The following GPC5 variants were observed in gnomAD, a reference collection of about 807,000 sequenced individuals.
GPC5 encodes the protein glypican 5.
Under a neutral mutation model 53.9 loss-of-function variants are expected in GPC5, and 47 were observed. That is an observed-to-expected ratio of 0.87 (90% CI 0.69 to 1.11). GPC5 has a LOEUF of 1.11. GPC5 is among the 50% of genes most tolerant of loss of function. The pLI is 0.00. For synonymous variants in GPC5, 286 were observed against 263.3 expected (o/e 1.09, Z -0.84); for missense variants, 748 against 713.1 (o/e 1.05, Z -0.56).
At chr13:92,082,643 G>A (rs865838782) in intron 6 of GPC5, among the ~76,000 whole-genome samples, 1 of 151,996 alleles carries the variant, frequency 6.6e-6, no homozygotes, top group Admixed American at 6.6e-5. Context: ...AAAGGAAAAG[G>A]GTATTATCTG....
At chr13:92,691,444 C>A (rs200740758) in intron 7 of GPC5, among the ~76,000 whole-genome samples, 2 of 146,876 alleles carry the variant, frequency 1.4e-5, no homozygotes, top group Admixed American at 1.4e-4. Context: ...TGCGCACACA[C>A]ACTGGCCTGC....
At chr13:91,980,597 TCGA>T (rs539788891) in intron 6 of GPC5, among the ~76,000 whole-genome samples, 3,601 of 152,276 alleles carry the variant, frequency 0.024, 138 homozygotes, top group African/African-American at 0.082. Flanking sequence ...TACCTATCCC[TCGA>T]TGTCCGATGT....
intron 2 of GPC5, among the ~76,000 whole-genome samples, chr13:91,505,287 T>C (rs1476805930): frequency 2.0e-5 from 3 of 152,124 alleles, no homozygotes; most frequent in Non-Finnish European, 4.4e-5. Context: ...AATAGCGAGA[T>C]ATATCAAGAG....
At chr13:91,482,631 A>G (rs1475305962) in intron 2 of GPC5, among the ~76,000 whole-genome samples, 2 of 152,168 alleles carry the variant, frequency 1.3e-5, no homozygotes, top group Non-Finnish European at 2.9e-5. Flanking sequence ...AAGCAGGAGA[A>G]CCAGTGCCTT....
chr13:92,818,494 G>A (rs772128339), intron 7 of GPC5, among the ~76,000 whole-genome samples: 2 of 151,778 alleles, frequency 1.3e-5, no homozygotes, highest in East Asian at 1.9e-4. Context: ...CCTTATTACC[G>A]AGGAAAGCTG....
At chr13:92,683,467 G>C (rs1307331665) in intron 7 of GPC5, among the ~76,000 whole-genome samples, 1 of 152,164 alleles carries the variant, frequency 6.6e-6, no homozygotes, top group Non-Finnish European at 1.5e-5. Context: ...CTGCTAGAGT[G>C]AAACTCATTT....
At chr13:92,474,329 GTGTAACCTCTA>G (rs989675829) in intron 7 of GPC5, among the ~76,000 whole-genome samples, 2 of 151,960 alleles carry the variant, frequency 1.3e-5, no homozygotes, top group Admixed American at 6.6e-5. Flanking sequence ...AGACTGAGAT[GTGTAACCTCTA>G]TGTATATTTA....
intron 7 of GPC5, among the ~76,000 whole-genome samples, chr13:92,522,903 T>C (rs1881122386): frequency 6.6e-6 from 1 of 151,960 alleles, no homozygotes; most frequent in Non-Finnish European, 1.5e-5. Flanking sequence ...ACAGAGAAAA[T>C]ACGTTTTTCA....
intron 5 of GPC5, among the ~76,000 whole-genome samples, chr13:91,901,037 A>T (rs940632167): frequency 1.3e-5 from 2 of 152,026 alleles, no homozygotes; most frequent in African/African-American, 4.8e-5. Context: ...TATTTGTTGC[A>T]GTGGGATGGT....
At chr13:92,165,272 C>G (rs2042018897) in intron 7 of GPC5, among the ~76,000 whole-genome samples, 1 of 152,162 alleles carries the variant, frequency 6.6e-6, no homozygotes, top group South Asian at 2.1e-4. Flanking sequence ...CTCTACTTCC[C>G]TTTTAAAAAT....
intron 7 of GPC5, among the ~76,000 whole-genome samples, chr13:92,657,976 T>C (rs1886198261): frequency 6.6e-6 from 1 of 152,186 alleles, no homozygotes; most frequent in South Asian, 2.1e-4. Flanking sequence ...ATGTATTACT[T>C]TTCTTGTTTT....
chr13:92,052,865 G>A (rs1185531653), intron 6 of GPC5, among the ~76,000 whole-genome samples: 1 of 152,090 alleles, frequency 6.6e-6, no homozygotes. Flanking sequence ...TGAGTCAAGG[G>A]AACTGTAGGA....
At chr13:92,205,510 T>C (rs149382593) in intron 7 of GPC5, among the ~76,000 whole-genome samples, 1 of 152,212 alleles carries the variant, frequency 6.6e-6, no homozygotes, top group East Asian at 1.9e-4. Flanking sequence ...CTCCAAGGGT[T>C]TCATTAGAGG....
At position 91,778,510 on chromosome 13, in the gene GPC5, C is replaced by T. The variant is rs181123502; in HGVS notation, c.1280+22090C>T. On this transcript the variant is annotated intron_variant, in intron 5 of 7. Coordinates refer to ENST00000377067, the MANE Select transcript of GPC5 (RefSeq NM_004466.6). The stretch of plus-strand genomic sequence containing the variant: ...TGGGCTCCTCGCCACCCATTTAGTT[C>T]TCTGTTCCATCCTGGCATAACTTAT... Among the ~76,000 whole-genome samples, 6 of 152,256 alleles carry T rather than the reference C, an allele frequency of 3.9e-5. No individual in the cohort carries two copies. In the East Asian group the frequency reaches 1.2e-3, roughly 29 times the overall value.
chr13:91,650,452 T>G (rs2034671874), intron 2 of GPC5, among the ~76,000 whole-genome samples: 1 of 151,002 alleles, frequency 6.6e-6, no homozygotes, highest in Admixed American at 6.6e-5. Flanking sequence ...ATTTTATCTT[T>G]ACTGTATACC....
intron 7 of GPC5, among the ~76,000 whole-genome samples, chr13:92,388,812 AAGGAGATGTGCAGTCTTTCATATTAGCC>A (rs1232659682): frequency 6.6e-6 from 1 of 152,144 alleles, no homozygotes; most frequent in Non-Finnish European, 1.5e-5. Flanking sequence ...TGTAATTGGT[AAGGAGATGTGCAGTCTTTCATATTAGCC>A]AGGACAGGGA....
intron 5 of GPC5, among the ~76,000 whole-genome samples, chr13:91,781,308 A>T (rs1231634535): frequency 6.6e-6 from 1 of 152,230 alleles, no homozygotes; most frequent in African/African-American, 2.4e-5. Flanking sequence ...TAAAAAGTTA[A>T]CTCAACAAAA....
At chr13:92,480,727 G>T (rs1265041084) in intron 7 of GPC5, among the ~76,000 whole-genome samples, 3 of 146,316 alleles carry the variant, frequency 2.1e-5, no homozygotes, top group Non-Finnish European at 4.5e-5. Flanking sequence ...TCCCAGACCT[G>T]TGAATTTGTT....
chr13:92,150,093 A>G (rs1235757719), intron 7 of GPC5, among the ~76,000 whole-genome samples: 3 of 151,964 alleles, frequency 2.0e-5, no homozygotes. Flanking sequence ...AGAAAAATTT[A>G]CTGAAAATAA....
Sources: gnomAD v4.1 joint callset for allele counts (sites outside exome capture counted in the v4.1 genomes callset) on GRCh38, gnomAD v4.1.1 for gene constraint, MANE v1.5 for transcripts, NCBI Gene and HGNC (gene_info 2026-07-23, HGNC 2026-07-21) for gene names.